Variants in MTUS2 observed in about 807,000 individuals in gnomAD.
MTUS2 encodes microtubule-associated tumor suppressor candidate 2.
Under a neutral mutation model 114.1 loss-of-function variants are expected in MTUS2, and 40 were observed. That is an observed-to-expected ratio of 0.35 (90% confidence interval 0.27 to 0.46). The LOEUF (loss-of-function observed/expected upper bound fraction) is 0.46, where lower values mean the gene tolerates loss of function less well. Among genes scored for constraint, MTUS2 ranks in the 20% least tolerant of loss-of-function variants. The pLI is 1.00. For synonymous variants in MTUS2, 688 were observed against 672.0 expected (o/e 1.02, Z -0.37); for missense variants, 1,679 against 1,705.4 (o/e 0.98, Z 0.27).
At chr13:29,030,905 G>A (rs1886784972) in intron 3 of MTUS2, among the ~76,000 whole-genome samples, 1 of 152,100 alleles carries the variant, frequency 6.6e-6, no homozygotes, top group Non-Finnish European at 1.5e-5. Flanking sequence ...GAACAGCACA[G>A]GCATTTAAAA....
chr13:29,479,864 A>G lies in MTUS2; in HGVS notation c.3185-286A>G, dbSNP rs1403793559. 6.6e-5 allele frequency among the ~76,000 whole-genome samples: 10 copies of G among 152,146 alleles called. No homozygotes were observed. The East Asian group carries it at 1.5e-3, about 23-fold the overall frequency. ...TGACAACCTGCCCTAGAGGCCTTGC[A>G]ATCAGAAAGCCCAGATTTGCCTTCC... On this transcript the variant is annotated intron_variant, in intron 9 of 15. Coordinates refer to ENST00000612955, the MANE Select transcript of MTUS2 (RefSeq NM_001033602.4).
At chr13:29,287,468 G>C (rs1249911642) in intron 6 of MTUS2, among the ~76,000 whole-genome samples, 1 of 151,258 alleles carries the variant, frequency 6.6e-6, no homozygotes, top group Non-Finnish European at 1.5e-5. Context: ...TGAGAAGTGT[G>C]CTCCTTTCCC....
At chr13:29,360,780 A>G (rs1157762783) in intron 8 of MTUS2, among the ~76,000 whole-genome samples, 1 of 143,352 alleles carries the variant, frequency 7.0e-6, no homozygotes, top group Non-Finnish European at 1.5e-5. Flanking sequence ...GCATTTTTGT[A>G]ATTAGGGAAG....
intron 2 of MTUS2, among the ~76,000 whole-genome samples, chr13:28,863,234 A>G (rs73454631): frequency 9.6e-4 from 146 of 152,296 alleles, no homozygotes; most frequent in African/African-American, 3.3e-3. Flanking sequence ...TTTCCTAAGC[A>G]GTTGGCTTCC....
intron 4 of MTUS2, among the ~76,000 whole-genome samples, chr13:29,087,670 A>G (rs1347244219): frequency 2.6e-5 from 4 of 152,180 alleles, no homozygotes; most frequent in Non-Finnish European, 5.9e-5. Context: ...TGCTGGCCTC[A>G]TGAAATGAGT....
At chr13:29,184,919 G>A (rs1029657733) in intron 5 of MTUS2, among the ~76,000 whole-genome samples, 1 of 152,052 alleles carries the variant, frequency 6.6e-6, no homozygotes, top group African/African-American at 2.4e-5. Flanking sequence ...AGACAGTCAA[G>A]AGAACTTCCT....
chr13:29,144,543 T>G (rs1892354906), intron 5 of MTUS2, among the ~76,000 whole-genome samples: 2 of 152,124 alleles, frequency 1.3e-5, no homozygotes, highest in Admixed American at 1.3e-4. Context: ...AATCCATTTT[T>G]TATGGTCATT....
chr13:29,259,864 A>G (rs367751215), intron 5 of MTUS2, among the ~76,000 whole-genome samples: 1 of 152,126 alleles, frequency 6.6e-6, no homozygotes, highest in African/African-American at 2.4e-5. Context: ...TCTATACGTG[A>G]TTTTTCAGTC....
chr13:29,477,039 A>C (rs1429626545), intron 9 of MTUS2: 1 of 152,186 alleles, frequency 6.6e-6, no homozygotes, highest in Non-Finnish European at 1.5e-5. Context: ...CTGCACATTG[A>C]ATTTTAGAGG....
chr13:29,331,508 A>G (rs562673824), intron 7 of MTUS2, among the ~76,000 whole-genome samples: 74 of 152,302 alleles, frequency 4.9e-4, no homozygotes, highest in Middle Eastern at 3.4e-3. Context: ...AGCCAAGACA[A>G]TCCTAAGCAA....
intron 4 of MTUS2, among the ~76,000 whole-genome samples, chr13:29,040,725 T>G (rs1200379381): frequency 6.6e-6 from 1 of 152,226 alleles, no homozygotes; most frequent in Admixed American, 6.5e-5. Flanking sequence ...ATGATGATCA[T>G]TTTTTCATAT....
rs966779016 is a variant in MTUS2 at position 29,503,704 on chromosome 13, T to C, written c.*498T>C. 1.7e-5 allele frequency: 4 copies of C among 230,986 alleles called. No homozygotes were observed. The highest frequency in any genetic ancestry group is 5.5e-5 in the Admixed American group (1 of 18,032). The allele number at this position is 230,986 out of a possible 1,614,324, so 14.3% of individuals were successfully genotyped here. The stretch of plus-strand genomic sequence containing the variant: ...TGGGAAATGAAAATGCATTTCTATC[T>C]AGCTTCCCAGGAATATTTCTACCCA... On this transcript the variant is annotated 3_prime_UTR_variant, in exon 16 of 16. Coordinates refer to ENST00000612955, the MANE Select transcript of MTUS2 (RefSeq NM_001033602.4).
intron 5 of MTUS2, among the ~76,000 whole-genome samples, chr13:29,205,134 G>A (rs971124395): frequency 6.6e-6 from 1 of 152,166 alleles, no homozygotes; most frequent in Non-Finnish European, 1.5e-5. Flanking sequence ...TGATCAGTGT[G>A]AAAATGAACA....
intron 2 of MTUS2, among the ~76,000 whole-genome samples, chr13:28,877,978 C>A (rs1358124351): frequency 6.6e-6 from 1 of 152,134 alleles, no homozygotes; most frequent in Non-Finnish European, 1.5e-5. Context: ...AATGAAGCTA[C>A]TGACCTCCTG....
At chr13:29,055,044 G>T (rs1405359788) in intron 4 of MTUS2, among the ~76,000 whole-genome samples, 1 of 151,992 alleles carries the variant, frequency 6.6e-6, no homozygotes, top group Non-Finnish European at 1.5e-5. Context: ...TGTCAATTAG[G>T]TCCAGTTGAT....
chr13:29,310,828 G>A (rs564056039), intron 6 of MTUS2, among the ~76,000 whole-genome samples: 38 of 152,288 alleles, frequency 2.5e-4, no homozygotes, highest in African/African-American at 8.7e-4. Context: ...ATAATTTAGT[G>A]TTGTCTAGTA....
intron 4 of MTUS2, among the ~76,000 whole-genome samples, chr13:29,091,364 A>G (rs1457666812): frequency 1.3e-5 from 2 of 152,170 alleles, no homozygotes; most frequent in African/African-American, 4.8e-5. Context: ...GTTTTTCTCT[A>G]TAAGCTTGAG....
chr13:29,021,028 A>G (rs2138460663), intron 2 of MTUS2, among the ~76,000 whole-genome samples: 1 of 152,310 alleles, frequency 6.6e-6, no homozygotes, highest in East Asian at 1.9e-4. Context: ...GCACTTTGGG[A>G]GGCCAAGATA....
intron 2 of MTUS2, among the ~76,000 whole-genome samples, chr13:28,928,204 T>A (rs1034586153): frequency 6.6e-5 from 10 of 151,522 alleles, no homozygotes; most frequent in Admixed American, 2.6e-4. Flanking sequence ...AAAAAAAAAT[T>A]TTGTGTAAGA....
Sources: gnomAD v4.1 joint callset for allele counts (sites outside exome capture counted in the v4.1 genomes callset) on GRCh38, gnomAD v4.1.1 for gene constraint, MANE v1.5 for transcripts, NCBI Gene and HGNC (gene_info 2026-07-23, HGNC 2026-07-21) for gene names.